SPATA17: variants seen among roughly 807,000 people sequenced by gnomAD.
The protein encoded by SPATA17 is spermatogenesis-associated protein 17.
Under a neutral mutation model 62.2 loss-of-function variants are expected in SPATA17, and 53 were observed. The observed-to-expected ratio is 0.85, with a 90% confidence interval of 0.68 to 1.07. The LOEUF (loss-of-function observed/expected upper bound fraction) is 1.07, where lower values mean the gene tolerates loss of function less well. Among genes scored for constraint, SPATA17 ranks in the 50% least tolerant of loss-of-function variants. The pLI is 0.00. For synonymous variants in SPATA17, 146 were observed against 146.8 expected (o/e 0.99, Z 0.04); for missense variants, 466 against 425.5 (o/e 1.10, Z -0.84).
At chr1:217,762,303 C>T (rs535167084) in intron 6 of SPATA17, among the ~76,000 whole-genome samples, 1 of 152,290 alleles carries the variant, frequency 6.6e-6, no homozygotes, top group African/African-American at 2.4e-5. Flanking sequence ...TACACTGGGC[C>T]TCTCAACCTG....
intron 9 of SPATA17, among the ~76,000 whole-genome samples, chr1:217,803,858 A>T (rs954101993): frequency 6.6e-6 from 1 of 152,104 alleles, no homozygotes; most frequent in African/African-American, 2.4e-5. Flanking sequence ...CCTTTACTAA[A>T]AATACAAAAG....
chr1:217,642,540 A>C (rs1670088017), intron 1 of SPATA17, among the ~76,000 whole-genome samples: 1 of 152,084 alleles, frequency 6.6e-6, no homozygotes, highest in African/African-American at 2.4e-5. Flanking sequence ...CTGTGTCCCC[A>C]CCAGATCTCA....
intron 9 of SPATA17, among the ~76,000 whole-genome samples, chr1:217,840,350 C>T (rs998935620): frequency 2.0e-5 from 3 of 152,060 alleles, no homozygotes; most frequent in Non-Finnish European, 4.4e-5. Flanking sequence ...TAAACTGACA[C>T]ATATTGAGAA....
intron 9 of SPATA17, among the ~76,000 whole-genome samples, chr1:217,828,593 A>G (rs1330466808): frequency 2.6e-5 from 4 of 151,010 alleles, no homozygotes; most frequent in Non-Finnish European, 5.9e-5. Context: ...AAAAAGCTTC[A>G]AACTAAACTA....
chr1:217,782,270 G>T lies in SPATA17; in HGVS notation c.820G>T (p.Ala274Ser). ...AGAACCAATCGATGAGTTAAAGTTGGCCAGAGAGGAGCTCAGAAGAGAGGA... is the reference window on the plus strand; with the variant it reads ...AGAACCAATCGATGAGTTAAAGTTGTCCAGAGAGGAGCTCAGAAGAGAGGA... Reference protein sequence around the residue: ...VAEPIDELKLAREELRREEWL... With the variant: ...VAEPIDELKLSREELRREEWL... The change falls in exon 8 of 11, where the codon GCC (alanine) becomes TCC (serine). Residue 274 changes from alanine (A) to serine (S), a missense_variant. Ala to Ser is a moderately conservative substitution (Grantham distance 99). Transcript: ENST00000366933. 6.2e-7 allele frequency: 1 copy of T among 1,612,400 alleles called. No individual in the cohort carries two copies. Among genetic ancestry groups the T allele is most frequent in the Admixed American group, 1.7e-5 (1 of 59,756 alleles).
chr1:217,701,232 C>T lies in SPATA17; in HGVS notation c.395+17871C>T, dbSNP rs148838012. On this transcript the variant is annotated intron_variant, in intron 5 of 10. Transcript: ENST00000366933. ...TCAAGTGATTCGTTGCCTTGGCCTC[C>T]CAAAGTGCTGGGATTACAGGCATGA... Among the ~76,000 whole-genome samples, 777 of 151,932 alleles carry T rather than the reference C, an allele frequency of 5.1e-3. 8 individuals are homozygous for T. The highest frequency in any genetic ancestry group is 0.018 in the African/African-American group (764 of 41,426).
intron 5 of SPATA17, among the ~76,000 whole-genome samples, chr1:217,718,988 AAAG>A (rs1241013419): frequency 6.6e-6 from 1 of 152,240 alleles, no homozygotes; most frequent in Non-Finnish European, 1.5e-5. Flanking sequence ...GACCACGAAC[AAAG>A]AAGCCAGAAG....
chr1:217,689,183 C>A (rs1372692084), intron 5 of SPATA17, among the ~76,000 whole-genome samples: 3 of 142,172 alleles, frequency 2.1e-5, no homozygotes, highest in East Asian at 2.2e-4. Context: ...AGCAAAAGTA[C>A]AATATAATCA....
intron 5 of SPATA17, among the ~76,000 whole-genome samples, chr1:217,710,926 T>C (rs1193904987): frequency 6.6e-6 from 1 of 152,212 alleles, no homozygotes; most frequent in Non-Finnish European, 1.5e-5. Flanking sequence ...TTGAACCTTT[T>C]ATGACTTCTT....
At position 217,741,140 on chromosome 1, in the gene SPATA17, C is replaced by A. The variant is rs77828236; in HGVS notation, c.396-835C>A. Among the ~76,000 whole-genome samples, 378 of 152,172 alleles carry A rather than the reference C, an allele frequency of 2.5e-3. 9 individuals are homozygous for A. Among genetic ancestry groups the A allele is most frequent in the East Asian group, 0.022 (116 of 5,180 alleles). ...ACAGAACTAGACACTAAGTTACTTA[C>A]CTACTTTTTTAAAAAAGTATAGTAC... On this transcript the variant is annotated intron_variant, in intron 5 of 10. Coordinates refer to ENST00000366933, the MANE Select transcript of SPATA17 (RefSeq NM_138796.4).
chr1:217,782,072 A>G, intron 7 of SPATA17, 102 bp from the exon 8 acceptor site: 1 of 1,149,268 alleles, frequency 8.7e-7, no homozygotes, highest in Non-Finnish European at 1.2e-6. Flanking sequence ...AAAATAACTT[A>G]GTAAACCTGC....
At position 217,858,910 on chromosome 1, in the gene SPATA17, C is replaced by A. The variant is rs1675837594; in HGVS notation, c.1006-3864C>A. Among the ~76,000 whole-genome samples the A allele has an allele frequency of 2.0e-5, 3 of 152,054 alleles. No homozygotes were observed. In the South Asian group the frequency reaches 6.2e-4, roughly 32 times the overall value. ...AGGCGTGGTGATGTGTGCCTGTAATCCCAGCCTCTTGGGAGGCTGAGGCAA... is the reference window on the plus strand; with the variant it reads ...AGGCGTGGTGATGTGTGCCTGTAATACCAGCCTCTTGGGAGGCTGAGGCAA... On this transcript the variant is annotated intron_variant, in intron 9 of 10. Coordinates refer to ENST00000366933, the MANE Select transcript of SPATA17 (RefSeq NM_138796.4).
intron 6 of SPATA17, among the ~76,000 whole-genome samples, chr1:217,770,484 G>A (rs1447823246): frequency 2.0e-5 from 3 of 152,262 alleles, no homozygotes; most frequent in Non-Finnish European, 4.4e-5. Flanking sequence ...TCTGGGAATT[G>A]TAGGTGTACA....
chr1:217,749,969 CTCTCTCTCTCTCTCTCTATATATATATA>C (rs1672860518), intron 6 of SPATA17, among the ~76,000 whole-genome samples: 1 of 46,944 alleles, frequency 2.1e-5, no homozygotes, highest in South Asian at 5.9e-4. Flanking sequence ...CTCTCTCTCT[CTCTCTCTCTCTCTCTCTATATATATATA>C]TATATATATA....
chr1:217,827,683 C>CA (rs1675028702), intron 9 of SPATA17, among the ~76,000 whole-genome samples: 1 of 152,012 alleles, frequency 6.6e-6, no homozygotes, highest in African/African-American at 2.4e-5. Context: ...ATATATACAC[C>CA]ATGGAATACC....
chr1:217,803,275 G>T (rs1027075268), intron 9 of SPATA17, among the ~76,000 whole-genome samples: 3 of 152,050 alleles, frequency 2.0e-5, no homozygotes, highest in African/African-American at 7.2e-5. Context: ...GAGCAGTTAG[G>T]CAAGAGAAAG....
chr1:217,756,556 A>G (rs1673048694), intron 6 of SPATA17, among the ~76,000 whole-genome samples: 1 of 152,204 alleles, frequency 6.6e-6, no homozygotes, highest in Admixed American at 6.5e-5. Flanking sequence ...TATGAGTGAA[A>G]TTGTATTTTA....
chr1:217,799,300 G>A (rs17726947), intron 8 of SPATA17, among the ~76,000 whole-genome samples: 4,672 of 152,026 alleles, frequency 0.031, 102 homozygotes, highest in Middle Eastern at 0.065. Flanking sequence ...TTGTCGTCTC[G>A]GCCATTCATT....
chr1:217,793,810 A>T (rs1301693299), intron 8 of SPATA17, among the ~76,000 whole-genome samples: 1 of 152,110 alleles, frequency 6.6e-6, no homozygotes, highest in East Asian at 1.9e-4. Context: ...ATGCAAGTTC[A>T]AATTCAGTGA....
Sources: gnomAD v4.1 joint callset for allele counts (sites outside exome capture counted in the v4.1 genomes callset) on GRCh38, gnomAD v4.1.1 for gene constraint, MANE v1.5 for transcripts, NCBI Gene and HGNC (gene_info 2026-07-23, HGNC 2026-07-21) for gene names.